Variants in USP32 observed in about 807,000 individuals in gnomAD.
The protein encoded by USP32 is ubiquitin carboxyl-terminal hydrolase 32.
Under a neutral mutation model 204.8 loss-of-function variants are expected in USP32, and 59 were observed. The observed-to-expected ratio is 0.29, with a 90% confidence interval of 0.23 to 0.36. The LOEUF (loss-of-function observed/expected upper bound fraction) is 0.36, where lower values mean the gene tolerates loss of function less well. Among genes scored for constraint, USP32 ranks in the 10% least tolerant of loss-of-function variants. The pLI, the probability that USP32 is intolerant of heterozygous loss-of-function variation, is 1.00. For missense variants in USP32, 1,160 were observed against 1,946.4 expected, an observed-to-expected ratio of 0.60 and a Z score of 7.60; for synonymous variants, 517 against 678.4, an observed-to-expected ratio of 0.76 and a Z score of 3.70.
In USP32 at chr17:60,183,381, G is replaced by A. The variant is rs772826389; in HGVS notation, c.3907C>T (p.Arg1303Trp). The change falls in exon 31 of 34, where the codon CGG (arginine) becomes TGG (tryptophan). Residue 1303 changes from arginine to tryptophan, a missense_variant. Arg to Trp is a moderately radical substitution (Grantham distance 101). Coordinates refer to ENST00000300896, the MANE Select transcript of USP32 (RefSeq NM_032582.4). ...AAAGCACTTGGATCAAAACTTTCCC[G>A]AGGAAATTTGACAATTTTCTGTGAT... ...IKSQKIVKFP[R>W]ESFDPSAFLV... 9.9e-6 allele frequency: 16 copies of A among 1,613,360 alleles called. No homozygotes were observed. Among genetic ancestry groups the A allele is most frequent in the African/African-American group, 2.7e-5 (2 of 74,896 alleles).
At chr17:60,238,495 T>C (rs2085792643) in intron 11 of USP32, among the ~76,000 whole-genome samples, 1 of 151,428 alleles carries the variant, frequency 6.6e-6, no homozygotes, top group East Asian at 1.9e-4. Context: ...TGGCAAACCC[T>C]CATCTCTACA....
chr17:60,198,421 C>T lies in USP32; in HGVS notation c.3273G>A (p.Leu1091=), dbSNP rs2084580733. Residue 1091 remains leucine (L), a synonymous_variant, in exon 27 of 34, where the codon CTG becomes CTA. Coordinates refer to ENST00000300896, the MANE Select transcript of USP32 (RefSeq NM_032582.4). ...GGCTGGGGCGATTCTTCTGAGATGA[C>T]AGGAAATACAGTTCTGTCCTCATCT... The part of the protein sequence containing the change: ...RKMMRTELYF[L]SSQKNRPSLF... 6.2e-7 allele frequency: 1 copy of T among 1,614,136 alleles called. No homozygotes were observed. The highest frequency in any genetic ancestry group is 8.5e-7 in the Non-Finnish European group (1 of 1,180,002).
chr17:60,370,781 AAAG>A (rs2089424441), intron 1 of USP32, among the ~76,000 whole-genome samples: 2 of 151,452 alleles, frequency 1.3e-5, no homozygotes, highest in African/African-American at 2.4e-5. Flanking sequence ...AAAAAAAAAA[AAAG>A]AAGAAAAGAG....
intron 3 of USP32, among the ~76,000 whole-genome samples, chr17:60,299,540 T>C (rs2145884452): frequency 6.6e-6 from 1 of 152,370 alleles, no homozygotes; most frequent in South Asian, 2.1e-4. Context: ...CATTCATTCA[T>C]GGGTGTGGAC....
intron 3 of USP32, among the ~76,000 whole-genome samples, chr17:60,295,016 G>A (rs2087391153): frequency 6.6e-6 from 1 of 152,156 alleles, no homozygotes; most frequent in East Asian, 1.9e-4. Flanking sequence ...AAATCTTTAG[G>A]TATTACAATA....
At chr17:60,280,745 ATT>A (rs1437794744) in intron 5 of USP32, among the ~76,000 whole-genome samples, 1 of 152,234 alleles carries the variant, frequency 6.6e-6, no homozygotes, top group Non-Finnish European at 1.5e-5. Flanking sequence ...TTCCTAACAC[ATT>A]ATTAGAACAG....
intron 1 of USP32, among the ~76,000 whole-genome samples, chr17:60,411,799 TGTA>T (rs1339809571): frequency 1.5e-4 from 23 of 152,188 alleles, no homozygotes; most frequent in African/African-American, 5.3e-4. Context: ...TCATTTATGT[TGTA>T]GTATATATGA....
intron 1 of USP32, among the ~76,000 whole-genome samples, chr17:60,388,074 C>T (rs1425562092): frequency 6.6e-6 from 1 of 151,860 alleles, no homozygotes; most frequent in Non-Finnish European, 1.5e-5. Context: ...TAATTCATAC[C>T]CAGCCTTCAG....
chr17:60,196,941 G>C (rs899607475), intron 27 of USP32, among the ~76,000 whole-genome samples: 1 of 151,880 alleles, frequency 6.6e-6, no homozygotes. Flanking sequence ...AGTACTTTGA[G>C]AGGCCGAGGT....
At chr17:60,278,082 T>C (rs925225760) in intron 5 of USP32, among the ~76,000 whole-genome samples, 1 of 152,090 alleles carries the variant, frequency 6.6e-6, no homozygotes, top group African/African-American at 2.4e-5. Context: ...AATTTTCAAA[T>C]TTTTTGTAGA....
At chr17:60,191,189 G>C (rs898521664) in intron 28 of USP32, among the ~76,000 whole-genome samples, 11 of 151,926 alleles carry the variant, frequency 7.2e-5, no homozygotes, top group African/African-American at 2.7e-4. Flanking sequence ...ATCACCTGAG[G>C]TCAGGAGGTC....
rs371619130 is a variant in USP32, at chr17:60,398,185, G to A, written c.106+24061C>T. Among the ~76,000 whole-genome samples the A allele has an allele frequency of 9.4e-4, 143 of 152,140 alleles. 1 individual carries two copies. The highest frequency in any genetic ancestry group is 3.2e-3 in the African/African-American group (134 of 41,486). ...TTTGAGACCAGCTTGGGCAACATAC[G>A]GAGACTCTGTCTCTACAAAAATAAA... On this transcript the variant is annotated intron_variant, in intron 1 of 3. Transcript: ENST00000588898.
chr17:60,389,886 G>A (rs1482532759), intron 1 of USP32, among the ~76,000 whole-genome samples: 2 of 151,188 alleles, frequency 1.3e-5, no homozygotes, highest in Admixed American at 1.3e-4. Context: ...GCGTGGTGGC[G>A]GGCACCTATA....
chr17:60,280,944 T>C (rs1458736377), intron 5 of USP32, among the ~76,000 whole-genome samples: 2 of 152,250 alleles, frequency 1.3e-5, no homozygotes, highest in East Asian at 1.9e-4. Flanking sequence ...ATGCTTTTCA[T>C]AGTAAGACTC....
At chr17:60,218,363 G>A (rs1416426516) in intron 16 of USP32, among the ~76,000 whole-genome samples, 22 of 151,936 alleles carry the variant, frequency 1.4e-4, no homozygotes, top group Non-Finnish European at 1.2e-4. Flanking sequence ...CAGCCTGGGC[G>A]ACAGAGCAAG....
At chr17:60,209,617 A>G (rs1222791045) in intron 21 of USP32, 74 bp from the exon 22 acceptor site, 3 of 964,230 alleles carry the variant, frequency 3.1e-6, no homozygotes, top group African/African-American at 3.4e-5. Flanking sequence ...CTATAATCCA[A>G]TCAGAGCCAT....
chr17:60,178,136 A>G lies in USP32; in HGVS notation c.*1119T>C, dbSNP rs574212551. On this transcript the variant is annotated 3_prime_UTR_variant, in exon 34 of 34. Coordinates refer to ENST00000300896, the MANE Select transcript of USP32 (RefSeq NM_032582.4). ...GTGGACATGCAAACAAAGCAAAACTAAAGTTGACTTCCTAAAACCACCAAT... is the reference window on the plus strand; with the variant it reads ...GTGGACATGCAAACAAAGCAAAACTGAAGTTGACTTCCTAAAACCACCAAT... 2.0e-5 allele frequency among the ~76,000 whole-genome samples: 3 copies of G among 152,350 alleles called. No individual in the cohort carries two copies. In the South Asian group the frequency reaches 6.2e-4, roughly 32 times the overall value.
At chr17:60,321,661 T>C (rs1396800047) in intron 2 of USP32, among the ~76,000 whole-genome samples, 1 of 152,150 alleles carries the variant, frequency 6.6e-6, no homozygotes, top group East Asian at 1.9e-4. Flanking sequence ...CACAACAGTT[T>C]AAACATAGTA....
intron 1 of USP32, among the ~76,000 whole-genome samples, chr17:60,379,834 A>T (rs1271368683): frequency 6.6e-6 from 1 of 152,240 alleles, no homozygotes; most frequent in Non-Finnish European, 1.5e-5. Flanking sequence ...TATCACAATC[A>T]TACAGACACA....
Sources: gnomAD v4.1 joint callset for allele counts (sites outside exome capture counted in the v4.1 genomes callset) on GRCh38, gnomAD v4.1.1 for gene constraint, MANE v1.5 for transcripts, NCBI Gene and HGNC (gene_info 2026-07-23, HGNC 2026-07-21) for gene names.